Variants in FBXL7 observed in about 807,000 individuals in gnomAD.
The protein encoded by FBXL7 is F-box/LRR-repeat protein 7.
Under a neutral mutation model 38.3 loss-of-function variants are expected in FBXL7, and 12 were observed. That is an observed-to-expected ratio of 0.31 (90% confidence interval 0.20 to 0.51). The LOEUF is 0.51. Among genes scored for constraint, FBXL7 ranks in the 20% least tolerant of loss-of-function variants. FBXL7 has a pLI of 0.98. For synonymous variants in FBXL7, 297 were observed against 300.9 expected (o/e 0.99, Z 0.13); for missense variants, 567 against 676.4 (o/e 0.84, Z 1.79).
intron 1 of FBXL7, among the ~76,000 whole-genome samples, chr5:15,550,126 T>C (rs1738020087): frequency 1.3e-5 from 2 of 152,348 alleles, no homozygotes; most frequent in South Asian, 4.1e-4. Context: ...GGTTACACTT[T>C]TCTTTCCACC....
chr5:15,683,688 G>A (rs1283768187), intron 2 of FBXL7, among the ~76,000 whole-genome samples: 1 of 152,068 alleles, frequency 6.6e-6, no homozygotes, highest in Non-Finnish European at 1.5e-5. Flanking sequence ...GGGGAGGCCC[G>A]GACCTTAAGA....
chr5:15,734,964 T>C (rs994375858), intron 2 of FBXL7, among the ~76,000 whole-genome samples: 3 of 152,180 alleles, frequency 2.0e-5, no homozygotes, highest in Non-Finnish European at 2.9e-5. Flanking sequence ...AGAGTTTTGC[T>C]CTTGTTGCCC....
At chr5:15,565,727 A>G (rs1738550170) in intron 1 of FBXL7, among the ~76,000 whole-genome samples, 1 of 152,082 alleles carries the variant, frequency 6.6e-6, no homozygotes, top group Non-Finnish European at 1.5e-5. Flanking sequence ...GGAAAAGCCA[A>G]TGTTTCAGTT....
At chr5:15,837,110 T>A (rs960901629) in intron 2 of FBXL7, among the ~76,000 whole-genome samples, 4 of 152,190 alleles carry the variant, frequency 2.6e-5, no homozygotes, top group Non-Finnish European at 4.4e-5. Flanking sequence ...CCTAATACTT[T>A]AGTGACAAGT....
At chr5:15,590,854 T>C (rs1427972904) in intron 1 of FBXL7, among the ~76,000 whole-genome samples, 1 of 152,196 alleles carries the variant, frequency 6.6e-6, no homozygotes, top group Non-Finnish European at 1.5e-5. Context: ...CTGAGTCACA[T>C]AGCTTTATTG....
At chr5:15,620,464 G>C (rs1365211409) in intron 2 of FBXL7, among the ~76,000 whole-genome samples, 1 of 147,518 alleles carries the variant, frequency 6.8e-6, no homozygotes. Flanking sequence ...TAGCCAAGCT[G>C]CTCTCGAACT....
At chr5:15,741,995 G>A (rs1265301547) in intron 2 of FBXL7, among the ~76,000 whole-genome samples, 1 of 152,188 alleles carries the variant, frequency 6.6e-6, no homozygotes, top group African/African-American at 2.4e-5. Flanking sequence ...AATGAGCTAT[G>A]TGTTGGTGCC....
At chr5:15,602,368 G>A (rs1739824326) in intron 1 of FBXL7, 1 of 137,110 alleles carries the variant, frequency 7.3e-6, no homozygotes, top group Admixed American at 7.6e-5. Context: ...TGCTGGTAAG[G>A]AGGGGATAGT....
intron 2 of FBXL7, among the ~76,000 whole-genome samples, chr5:15,897,825 C>T (rs1027533406): frequency 3.9e-5 from 6 of 152,022 alleles, no homozygotes; most frequent in African/African-American, 9.7e-5. Context: ...CGTAAGGGAT[C>T]AGTGGATGGA....
rs543083286 is a variant in FBXL7, at chr5:15,567,400, A to G, written c.38-48583A>G. ...TTTCTTCCAAGCTGTAAAGTAGAATATTAAATATTTTTGAAATTTTGCGTT... is the reference window on the plus strand; with the variant it reads ...TTTCTTCCAAGCTGTAAAGTAGAATGTTAAATATTTTTGAAATTTTGCGTT... On this transcript the variant is annotated intron_variant, in intron 1 of 3. Transcript: ENST00000504595. Among the ~76,000 whole-genome samples the G allele has an allele frequency of 7.2e-4, 110 of 152,230 alleles. 2 individuals carry two copies. Among genetic ancestry groups the G allele is most frequent in the Middle Eastern group, 6.8e-3 (2 of 294 alleles).
chr5:15,811,883 TTGG>T (rs1048385471), intron 2 of FBXL7, among the ~76,000 whole-genome samples: 2 of 152,098 alleles, frequency 1.3e-5, no homozygotes, highest in African/African-American at 4.8e-5. Flanking sequence ...TTTTACACTG[TTGG>T]TGGGAGTGTA....
chr5:15,711,439 A>G (rs1310759000), intron 2 of FBXL7, among the ~76,000 whole-genome samples: 1 of 152,246 alleles, frequency 6.6e-6, no homozygotes, highest in African/African-American at 2.4e-5. Context: ...ACCTTCCTCC[A>G]GTAAAACTTC....
At chr5:15,828,604 T>C (rs543918827) in intron 2 of FBXL7, among the ~76,000 whole-genome samples, 3 of 152,346 alleles carry the variant, frequency 2.0e-5, no homozygotes, top group South Asian at 4.1e-4. Flanking sequence ...GACTCTGCAC[T>C]GTAGGCTCAG....
chr5:15,783,769 G>C (rs943216526), intron 2 of FBXL7, among the ~76,000 whole-genome samples: 5 of 152,270 alleles, frequency 3.3e-5, no homozygotes, highest in Non-Finnish European at 2.9e-5. Flanking sequence ...AGTAAGGATG[G>C]GTGCTGGATT....
chr5:15,912,691 A>G (rs939424893), intron 2 of FBXL7, among the ~76,000 whole-genome samples: 1 of 152,152 alleles, frequency 6.6e-6, no homozygotes, highest in Admixed American at 6.5e-5. Flanking sequence ...AAGTTCTGAA[A>G]ACTAAGATGA....
At chr5:15,645,633 A>G (rs878876259) in intron 2 of FBXL7, among the ~76,000 whole-genome samples, 1 of 152,228 alleles carries the variant, frequency 6.6e-6, no homozygotes, top group East Asian at 1.9e-4. Context: ...AACCTAGGCA[A>G]AATAAACTTT....
chr5:15,785,717 G>A (rs1272330567), intron 2 of FBXL7, among the ~76,000 whole-genome samples: 3 of 152,220 alleles, frequency 2.0e-5, no homozygotes, highest in Non-Finnish European at 2.9e-5. Context: ...CTAGCAGCTG[G>A]TTGCATGAAC....
At chr5:15,809,221 G>A (rs1737791421) in intron 2 of FBXL7, among the ~76,000 whole-genome samples, 1 of 152,150 alleles carries the variant, frequency 6.6e-6, no homozygotes, top group African/African-American at 2.4e-5. Context: ...ACCTTACCCA[G>A]ATGGTTATTT....
intron 2 of FBXL7, among the ~76,000 whole-genome samples, chr5:15,845,839 C>A (rs1423727857): frequency 6.6e-6 from 1 of 152,022 alleles, no homozygotes; most frequent in East Asian, 1.9e-4. Context: ...GGCGTGGTGG[C>A]GGGTGCCTGG....
Sources: gnomAD v4.1 joint callset for allele counts (sites outside exome capture counted in the v4.1 genomes callset) on GRCh38, gnomAD v4.1.1 for gene constraint, MANE v1.5 for transcripts, NCBI Gene and HGNC (gene_info 2026-07-23, HGNC 2026-07-21) for gene names.